The following WNK2 variants were observed in gnomAD, a reference collection of about 807,000 sequenced individuals.
WNK2 encodes WNK lysine deficient protein kinase 2, also known as serine/threonine-protein kinase WNK2.
A neutral mutation model predicts 192.1 loss-of-function variants in WNK2; 67 were observed. That is an observed-to-expected ratio of 0.35 (90% CI 0.29 to 0.43). The LOEUF (loss-of-function observed/expected upper bound fraction) is 0.43, where lower values mean the gene tolerates loss of function less well. Among genes scored for constraint, WNK2 ranks in the 20% least tolerant of loss-of-function variants. The pLI is 1.00. For synonymous variants in WNK2, 1,439 were observed against 1,393.9 expected (o/e 1.03, Z -0.72); for missense variants, 2,698 against 3,089.7 (o/e 0.87, Z 3.01).
At position 93,211,934 on chromosome 9, in the gene WNK2, TCACTCACTCATC is replaced by T. The variant is rs1468958329; in HGVS notation, c.682-17750_682-17739del. 3.9e-5 allele frequency among the ~76,000 whole-genome samples: 6 copies of T among 151,906 alleles called. No homozygotes were observed. In the East Asian group the frequency reaches 9.7e-4, roughly 25 times the overall value. ...TCCACTCACTCACTCATCTACTCAT[TCACTCACTCATC>T]CACTCACTCATACATTCACTCACTC... is the stretch of plus-strand genomic sequence containing the variant. On this transcript the variant is annotated intron_variant, in intron 2 of 29. Coordinates refer to ENST00000427277, the MANE Select transcript of WNK2 (RefSeq NM_006648.4).
intron 1 of WNK2, among the ~76,000 whole-genome samples, 94 bp downstream of exon 1, chr9:93,184,479 G>A (rs891286962): frequency 4.6e-5 from 7 of 150,674 alleles, no homozygotes; most frequent in African/African-American, 1.7e-4. Context: ...CCCGCGCCCC[G>A]GGCCCGCGTC....
chr9:93,224,093 C>T (rs560041717), intron 2 of WNK2, among the ~76,000 whole-genome samples: 54 of 152,168 alleles, frequency 3.5e-4, no homozygotes, highest in Middle Eastern at 3.2e-3. Flanking sequence ...TTTTGATTTA[C>T]GGCCCCACGG....
At position 93,259,194 on chromosome 9, in the gene WNK2, C is replaced by T; in HGVS notation, c.2646C>T (p.Ala882=). The T allele has an allele frequency of 6.2e-7, 1 of 1,612,962 alleles. No homozygotes were observed. Among genetic ancestry groups the T allele is most frequent in the Non-Finnish European group, 8.5e-7 (1 of 1,179,754 alleles). ...GGACCATTGTGCCAAATGCACCGGC[C>T]ACTATCCCCCTGCTGGCCGTAGCCC... The part of the protein sequence containing the change: ...PCRTIVPNAP[A]TIPLLAVAPP... Residue 882 remains alanine, a synonymous_variant, in exon 12 of 30, where the codon GCC becomes GCT. Coordinates refer to ENST00000427277, the MANE Select transcript of WNK2 (RefSeq NM_006648.4). This position sits in a 1 kb window ranked among gnomAD's most constrained non-coding sequence, Gnocchi z 4.8.
At chr9:93,191,355 A>T (rs1830300192) in intron 2 of WNK2, among the ~76,000 whole-genome samples, 2 of 152,068 alleles carry the variant, frequency 1.3e-5, no homozygotes, top group South Asian at 4.1e-4. Flanking sequence ...GCTTGTGTGT[A>T]TGTTGACTCA....
chr9:93,225,353 A>T (rs1365460027), intron 2 of WNK2, among the ~76,000 whole-genome samples: 1 of 152,202 alleles, frequency 6.6e-6, no homozygotes, highest in Non-Finnish European at 1.5e-5. Flanking sequence ...CTATGATCAC[A>T]CCACGGCACT....
intron 2 of WNK2, among the ~76,000 whole-genome samples, chr9:93,188,179 C>T (rs4744188): frequency 0.46 from 70,232 of 152,022 alleles, 17,803 homozygotes; most frequent in African/African-American, 0.67. Context: ...CCCCTACTCC[C>T]GCAGCACCTG....
At chr9:93,248,157 G>A (rs186791078) in intron 8 of WNK2, among the ~76,000 whole-genome samples, 2 of 152,386 alleles carry the variant, frequency 1.3e-5, no homozygotes, top group East Asian at 3.9e-4. Flanking sequence ...GGGTGGTGGG[G>A]CCAGCAGACC....
chr9:93,215,819 G>A (rs758413993), intron 2 of WNK2, among the ~76,000 whole-genome samples: 16 of 152,104 alleles, frequency 1.1e-4, no homozygotes, highest in East Asian at 7.7e-4. Flanking sequence ...TGTTGTTATC[G>A]TCTCGTTTTT....
chr9:93,281,416 T>C (rs1847717873), intron 19 of WNK2, among the ~76,000 whole-genome samples: 1 of 152,154 alleles, frequency 6.6e-6, no homozygotes, highest in South Asian at 2.1e-4. Context: ...AAAAATACAT[T>C]AGTTAAAATT....
chr9:93,300,001 T>C, intron 25 of WNK2, 50 bp from the exon 26 acceptor site: 1 of 1,515,424 alleles, frequency 6.6e-7, no homozygotes, highest in Non-Finnish European at 9.1e-7. Flanking sequence ...CGCAGCAACC[T>C]GTACTTGATG....
chr9:93,288,702 T>G, intron 19 of WNK2, 86 bp from the exon 20 acceptor site: 1 of 1,346,706 alleles, frequency 7.4e-7, no homozygotes, highest in South Asian at 1.5e-5. Context: ...TGGCCAGCTG[T>G]GTAAGGCATC....
At chr9:93,317,007 T>C in intron 28 of WNK2, 1 of 174,590 alleles carries the variant, frequency 5.7e-6, no homozygotes, top group Non-Finnish European at 1.2e-5. Context: ...CCAGCAGCCT[T>C]GCCTTCCTGG....
chr9:93,189,828 C>T lies in WNK2; in HGVS notation c.681+4218C>T, dbSNP rs118137058. 1.2e-3 allele frequency among the ~76,000 whole-genome samples: 178 copies of T among 152,350 alleles called. 3 individuals are homozygous for T. In the East Asian group the frequency reaches 0.027, roughly 23 times the overall value. ...GGGACTGGAGAGCCTGCGTGCTTTG[C>T]CCCGATGGCCTCTCGTTAGAGGCCC... On this transcript the variant is annotated intron_variant, in intron 2 of 29. Coordinates refer to ENST00000427277, the MANE Select transcript of WNK2 (RefSeq NM_006648.4).
At chr9:93,254,985 C>T (rs935581398) in intron 9 of WNK2, among the ~76,000 whole-genome samples, 2 of 152,140 alleles carry the variant, frequency 1.3e-5, no homozygotes, top group Non-Finnish European at 2.9e-5. Context: ...GGCCTGGGCT[C>T]CCACTGGGCC....
chr9:93,222,807 C>T (rs186525061), intron 2 of WNK2, among the ~76,000 whole-genome samples: 1 of 152,048 alleles, frequency 6.6e-6, no homozygotes, highest in East Asian at 1.9e-4. Flanking sequence ...CTCAGCCTCC[C>T]GAGTAGCTGG....
intron 8 of WNK2, among the ~76,000 whole-genome samples, chr9:93,252,482 A>G (rs1842729434): frequency 6.6e-6 from 1 of 152,234 alleles, no homozygotes. Flanking sequence ...CTTATAAAAC[A>G]CAGGTGATAT....
Position 93,261,860 on chromosome 9 carries a change from A to G in WNK2, c.3113A>G (p.Gln1038Arg). 6.3e-7 allele frequency: 1 copy of G among 1,599,490 alleles called. No individual in the cohort carries two copies. Among genetic ancestry groups the G allele is most frequent in the Non-Finnish European group, 8.5e-7 (1 of 1,179,084 alleles). The change falls in exon 13 of 30, where the codon CAG (glutamine) becomes CGG (arginine). Residue 1038 changes from glutamine (Q) to arginine (R), a missense_variant. By Grantham distance (43) the Gln-to-Arg change is conservative. Transcript: ENST00000427277. ...PAPYAVDVAAQVPTVPVPPAA... is the reference protein window; with the variant it reads ...PAPYAVDVAARVPTVPVPPAA... The stretch of plus-strand genomic sequence containing the variant: ...CCCTATGCTGTGGACGTCGCCGCTC[A>G]GGTCCCCACCGTGCCTGTGCCACCG...
chr9:93,263,487 C>G, intron 14 of WNK2, 79 bp from the exon 15 acceptor site: 1 of 1,543,436 alleles, frequency 6.5e-7, no homozygotes, highest in South Asian at 1.2e-5. Context: ...CAGACTGTTC[C>G]AGATAAGCTG....
At chr9:93,313,767 TA>T (rs1173708695) in intron 28 of WNK2, among the ~76,000 whole-genome samples, 1 of 152,232 alleles carries the variant, frequency 6.6e-6, no homozygotes, top group Non-Finnish European at 1.5e-5. Context: ...GAGTTCATCA[TA>T]TATCTTTTGT....
Sources: allele counts gnomAD v4.1 joint callset (sites outside exome capture counted in the v4.1 genomes callset), GRCh38; gene constraint gnomAD v4.1.1; non-coding constraint Gnocchi (gnomAD v3.1); transcripts MANE v1.5; gene names NCBI Gene and HGNC (gene_info 2026-07-23, HGNC 2026-07-21).